The following LRBA variants were observed in gnomAD, a reference collection of about 807,000 sequenced individuals.
The protein encoded by LRBA is LPS responsive beige-like anchor protein.
Under a neutral mutation model 330.0 loss-of-function variants are expected in LRBA, and 176 were observed. The observed-to-expected ratio is 0.53, with a 90% CI of 0.47 to 0.60. The LOEUF (loss-of-function observed/expected upper bound fraction) is 0.60. LRBA is among the 20% of genes least tolerant of loss of function. The pLI, the probability that LRBA is intolerant of heterozygous loss-of-function variation, is 0.00. For missense variants in LRBA, 3,259 were observed against 3,444.8 expected (o/e 0.95, Z 1.35); for synonymous variants, 1,230 against 1,193.0 (o/e 1.03, Z -0.64).
intron 34 of LRBA, among the ~76,000 whole-genome samples, chr4:150,768,137 A>T (rs1199775127): frequency 6.6e-6 from 1 of 151,890 alleles, no homozygotes; most frequent in Non-Finnish European, 1.5e-5. Flanking sequence ...AAACATAGTA[A>T]ATCTGAGAAT....
intron 37 of LRBA, among the ~76,000 whole-genome samples, chr4:150,641,262 T>C (rs1021240248): frequency 6.6e-6 from 1 of 152,168 alleles, no homozygotes; most frequent in African/African-American, 2.4e-5. Context: ...TAATAAGAAA[T>C]TTTTATATTC....
At position 150,903,518 on chromosome 4, in the gene LRBA, C is replaced by T. The variant is rs935376494; in HGVS notation, c.1755+2320G>A. On this transcript the variant is annotated intron_variant, in intron 13 of 56. Transcript: ENST00000651943. Reference sequence around the variant, plus strand: ...TCTTGGGGGGCTGAGGCAGGTAGATCACTTGAGCCCAGGAGTTCGAGACCA... The same window carrying T: ...TCTTGGGGGGCTGAGGCAGGTAGATTACTTGAGCCCAGGAGTTCGAGACCA... Among the ~76,000 whole-genome samples, 12 of 151,772 alleles carry T rather than the reference C, an allele frequency of 7.9e-5. 1 individual carries two copies. The highest frequency in any genetic ancestry group is 2.2e-4 in the African/African-American group (9 of 41,302).
At chr4:150,537,978 A>G (rs1278837966) in intron 40 of LRBA, among the ~76,000 whole-genome samples, 1 of 152,060 alleles carries the variant, frequency 6.6e-6, no homozygotes, top group Non-Finnish European at 1.5e-5. Context: ...AACAAAAGAC[A>G]TTGAACAGAA....
chr4:150,872,532 C>T, intron 18 of LRBA, 131 bp downstream of exon 18: 2 of 585,722 alleles, frequency 3.4e-6, no homozygotes, highest in Non-Finnish European at 6.0e-6. Context: ...AGTGGGATTA[C>T]ATTTATACAG....
Position 150,828,564 on chromosome 4 carries a change from C to T in LRBA, c.4787G>A (p.Ser1596Asn), listed in dbSNP as rs140851144. 5 of 1,613,972 alleles carry T rather than the reference C, an allele frequency of 3.1e-6. No homozygotes were observed. In the African/African-American group the frequency reaches 5.3e-5, roughly 17 times the overall value. Reference sequence around the variant, plus strand: ...GTCCCTCCTTCGAGCAGATGATGTGCTTTCAGATTCTTCCACTGATGCCGT... The same window carrying T: ...GTCCCTCCTTCGAGCAGATGATGTGTTTTCAGATTCTTCCACTGATGCCGT... The part of the protein sequence containing the change: ...LTTASVEESE[S>N]TSSARRRDSG... The change falls in exon 30 of 57, where the codon AGC becomes AAC. Residue 1596 changes from serine (S) to asparagine (N), a missense_variant. Transcript: ENST00000651943.
intron 29 of LRBA, among the ~76,000 whole-genome samples, chr4:150,829,238 A>G (rs1486917671): frequency 6.6e-6 from 1 of 152,120 alleles, no homozygotes; most frequent in East Asian, 1.9e-4. Context: ...GCCTGGCCCA[A>G]GTCCGCAATC....
At chr4:150,331,931 G>T (rs1734053313) in intron 48 of LRBA, among the ~76,000 whole-genome samples, 1 of 152,068 alleles carries the variant, frequency 6.6e-6, no homozygotes, top group South Asian at 2.1e-4. Context: ...TTAACCTTCT[G>T]TGCCTTAATT....
intron 40 of LRBA, among the ~76,000 whole-genome samples, chr4:150,510,079 G>T (rs1474926665): frequency 6.6e-6 from 1 of 152,184 alleles, no homozygotes; most frequent in East Asian, 1.9e-4. Flanking sequence ...GGTGGAGGTT[G>T]CAGTGAGCCG....
intron 44 of LRBA, among the ~76,000 whole-genome samples, chr4:150,440,813 T>G (rs933091722): frequency 1.3e-5 from 2 of 151,688 alleles, no homozygotes; most frequent in Admixed American, 1.3e-4. Context: ...AAAAGACAAA[T>G]TAAAGAAAAC....
chr4:150,913,518 G>C (rs1412818631), intron 9 of LRBA, among the ~76,000 whole-genome samples: 1 of 152,150 alleles, frequency 6.6e-6, no homozygotes, highest in Admixed American at 6.5e-5. Flanking sequence ...TTGTTTCATC[G>C]AGTGTTATGT....
chr4:150,507,957 C>A (rs1761320163), intron 40 of LRBA, among the ~76,000 whole-genome samples: 1 of 151,514 alleles, frequency 6.6e-6, no homozygotes, highest in Non-Finnish European at 1.5e-5. Flanking sequence ...AACCATCATT[C>A]TCAGCAAACT....
At chr4:150,697,498 A>G (rs769350319) in intron 36 of LRBA, among the ~76,000 whole-genome samples, 2 of 152,050 alleles carry the variant, frequency 1.3e-5, no homozygotes, top group Non-Finnish European at 2.9e-5. Context: ...AAAGATAGGA[A>G]TAACAGAATG....
At chr4:150,550,276 A>G (rs1471035574) in intron 40 of LRBA, among the ~76,000 whole-genome samples, 1 of 152,162 alleles carries the variant, frequency 6.6e-6, no homozygotes, top group African/African-American at 2.4e-5. Flanking sequence ...ATGAACATGC[A>G]TGCTCCACTT....
intron 36 of LRBA, among the ~76,000 whole-genome samples, chr4:150,697,700 T>C (rs1784770462): frequency 6.6e-6 from 1 of 152,212 alleles, no homozygotes; most frequent in African/African-American, 2.4e-5. Context: ...TATAATGTTA[T>C]AATTTCTTTA....
At chr4:150,623,666 T>G (rs1776534747) in intron 37 of LRBA, among the ~76,000 whole-genome samples, 1 of 152,046 alleles carries the variant, frequency 6.6e-6, no homozygotes, top group African/African-American at 2.4e-5. Flanking sequence ...AAGAGAATTT[T>G]CACATAATAA....
chr4:150,735,560 G>T (rs1311373454), intron 35 of LRBA, among the ~76,000 whole-genome samples, 194 bp from the exon 36 acceptor site: 4 of 152,166 alleles, frequency 2.6e-5, no homozygotes, highest in Non-Finnish European at 5.9e-5. Context: ...GGCAATAGCA[G>T]ATTAGCTTCT....
intron 22 of LRBA, among the ~76,000 whole-genome samples, chr4:150,861,685 ACTTTT>A (rs1457923762): frequency 1.3e-5 from 2 of 152,210 alleles, no homozygotes; most frequent in Non-Finnish European, 2.9e-5. Flanking sequence ...TTTAAAAACT[ACTTTT>A]CTTTGTTCAA....
chr4:150,394,905 C>T (rs1005569941), intron 47 of LRBA, among the ~76,000 whole-genome samples: 3 of 152,102 alleles, frequency 2.0e-5, no homozygotes, highest in African/African-American at 7.2e-5. Context: ...CTATTATATG[C>T]TTGTAGTCAT....
At chr4:150,402,126 T>TAA (rs545194572) in intron 47 of LRBA, among the ~76,000 whole-genome samples, 3,897 of 117,540 alleles carry the variant, frequency 0.033, 188 homozygotes, top group African/African-American at 0.11. Context: ...CCATCTCTAC[T>TAA]AAAAAAAAAA....
Sources: allele counts gnomAD v4.1 joint callset (sites outside exome capture counted in the v4.1 genomes callset), GRCh38; gene constraint gnomAD v4.1.1; transcripts MANE v1.5; gene names NCBI Gene and HGNC (gene_info 2026-07-23, HGNC 2026-07-21).